The following RHBDL2 variants were observed in gnomAD, a reference collection of about 807,000 sequenced individuals.
The protein encoded by RHBDL2 is rhomboid like 2.
Under a neutral mutation model 31.7 loss-of-function variants are expected in RHBDL2, and 26 were observed. The ratio of observed to expected loss-of-function variants is 0.82; its 90% CI spans 0.60 to 1.14. The LOEUF (loss-of-function observed/expected upper bound fraction) is 1.14. Among genes scored for constraint, RHBDL2 ranks in the 50% most tolerant of loss-of-function variants. RHBDL2 has a pLI of 0.00. For synonymous variants in RHBDL2, 123 were observed against 127.2 expected, an observed-to-expected ratio of 0.97 and a Z score of 0.22; for missense variants, 336 against 364.4, an observed-to-expected ratio of 0.92 and a Z score of 0.63.
At chr1:38,938,116 C>T (rs924292998) in intron 1 of RHBDL2, among the ~76,000 whole-genome samples, 3 of 151,988 alleles carry the variant, frequency 2.0e-5, no homozygotes, top group African/African-American at 7.2e-5. Flanking sequence ...CTCCTGGGTT[C>T]AAGCGATTCT....
chr1:38,894,538 G>C (rs985526293), intron 5 of RHBDL2, among the ~76,000 whole-genome samples: 2 of 151,502 alleles, frequency 1.3e-5, no homozygotes, highest in Non-Finnish European at 2.9e-5. Context: ...GGCCAGGATG[G>C]TCCCGATCTC....
intron 1 of RHBDL2, among the ~76,000 whole-genome samples, chr1:38,935,504 G>T (rs1442007790): frequency 6.6e-6 from 1 of 152,230 alleles, no homozygotes; most frequent in African/African-American, 2.4e-5. Context: ...TCTGTAAAAG[G>T]AGGGTGGTAA....
intron 1 of RHBDL2, among the ~76,000 whole-genome samples, chr1:38,939,082 A>G (rs1166268501): frequency 6.6e-6 from 1 of 152,194 alleles, no homozygotes; most frequent in Non-Finnish European, 1.5e-5. Context: ...GTCTCAGGGG[A>G]TAAACAGAGC....
intron 1 of RHBDL2, among the ~76,000 whole-genome samples, chr1:38,925,608 T>C (rs1466768776): frequency 6.6e-6 from 1 of 152,124 alleles, no homozygotes; most frequent in African/African-American, 2.4e-5. Context: ...GTGACACACA[T>C]GGTGGATCTA....
intron 1 of RHBDL2, among the ~76,000 whole-genome samples, chr1:38,935,471 C>T (rs1176658863): frequency 1.3e-5 from 2 of 152,146 alleles, no homozygotes; most frequent in African/African-American, 4.8e-5. Flanking sequence ...CTTATTAAAC[C>T]TCTTTGTGCC....
chr1:38,892,712 T>G (rs1642869606), intron 6 of RHBDL2, among the ~76,000 whole-genome samples: 1 of 152,182 alleles, frequency 6.6e-6, no homozygotes, highest in South Asian at 2.1e-4. Context: ...CAAACCCAGC[T>G]AAATCAGAGT....
chr1:38,888,355 T>C (rs570815260), intron 6 of RHBDL2, among the ~76,000 whole-genome samples: 1 of 147,902 alleles, frequency 6.8e-6, no homozygotes, highest in South Asian at 2.2e-4. Flanking sequence ...GGGGGGTATG[T>C]GGGGGGGTGA....
At chr1:38,909,718 G>A (rs1643115621) in intron 4 of RHBDL2, among the ~76,000 whole-genome samples, 1 of 152,028 alleles carries the variant, frequency 6.6e-6, no homozygotes, top group Non-Finnish European at 1.5e-5. Context: ...CTCCAGCCTG[G>A]ACGACAGGGC....
intron 1 of RHBDL2, among the ~76,000 whole-genome samples, chr1:38,927,961 C>T (rs1643396230): frequency 6.6e-6 from 1 of 151,994 alleles, no homozygotes; most frequent in African/African-American, 2.4e-5. Flanking sequence ...TCCAAAGCCC[C>T]CACATGTTCC....
At chr1:38,936,927 C>G (rs1317597897) in intron 1 of RHBDL2, among the ~76,000 whole-genome samples, 1 of 152,006 alleles carries the variant, frequency 6.6e-6, no homozygotes, top group East Asian at 1.9e-4. Flanking sequence ...AGCCACCATG[C>G]CTGGCCGAGT....
chr1:38,888,011 C>G lies in RHBDL2; in HGVS notation c.684G>C (p.Met228Ile), dbSNP rs755186225. Residue 228 changes from methionine (M) to isoleucine (I), a missense_variant, in exon 7 of 8, where the codon ATG (methionine) becomes ATC (isoleucine). Transcript: ENST00000372990. ...LIIILIIVLD[M>I]GFALYRRFFV... ...AGAACCTTCTATAGAGAGCAAATCC[C>G]ATGTCCAACACAACTAGAAGGAAAA... 11 of 1,612,556 alleles carry G rather than the reference C, an allele frequency of 6.8e-6. No homozygotes were observed. In the South Asian group the frequency reaches 8.8e-5, roughly 13 times the overall value.
Position 38,910,437 on chromosome 1 carries a change from A to T in RHBDL2, c.508+885T>A, listed in dbSNP as rs181485233. Among the ~76,000 whole-genome samples, 1,512 of 152,256 alleles carry T rather than the reference A, an allele frequency of 9.9e-3. 20 individuals carry two copies. The highest frequency in any genetic ancestry group is 0.033 in the African/African-American group (1,369 of 41,550). On this transcript the variant is annotated intron_variant, in intron 4 of 7. Transcript: ENST00000372990. ...CGCAAAATTAAAAGTTTAATTTTTT[A>T]AAAAAATGTTTCCAATAAATAAACA...
At chr1:38,934,253 C>G (rs1311592559) in intron 1 of RHBDL2, among the ~76,000 whole-genome samples, 1 of 151,684 alleles carries the variant, frequency 6.6e-6, no homozygotes, top group Admixed American at 6.6e-5. Flanking sequence ...GGGGCTGAGG[C>G]AAGAGAATCG....
At chr1:38,887,872 G>T (rs1642805858) in intron 7 of RHBDL2, 91 bp downstream of exon 7, 1 of 882,682 alleles carries the variant, frequency 1.1e-6, no homozygotes, top group Non-Finnish European at 1.8e-6. Flanking sequence ...AAATTTGGCT[G>T]CCCTAAATCA....
At chr1:38,914,475 C>T (rs1643201558) in intron 3 of RHBDL2, among the ~76,000 whole-genome samples, 2 of 151,740 alleles carry the variant, frequency 1.3e-5, no homozygotes, top group South Asian at 2.1e-4. Context: ...CTCCTGACCT[C>T]AGGTGATCTA....
chr1:38,899,584 G>A (rs993611266), intron 4 of RHBDL2, among the ~76,000 whole-genome samples: 4 of 152,254 alleles, frequency 2.6e-5, no homozygotes, highest in African/African-American at 7.2e-5. Flanking sequence ...GGCACCTAGG[G>A]ATGTGGGAGC....
In RHBDL2 at chr1:38,934,209, G is replaced by T. The variant is rs557481054; in HGVS notation, c.-126+7473C>A. ...GAAAAATGCAAAAAATTAGCCAGGC[G>T]TTATGGCGGGTGCCTGTAATCCCAG... On this transcript the variant is annotated intron_variant, in intron 1 of 7. Transcript: ENST00000372990. Among the ~76,000 whole-genome samples the T allele has an allele frequency of 3.9e-5, 6 of 152,002 alleles. No individual in the cohort carries two copies. In the South Asian group the frequency reaches 1.2e-3, roughly 32 times the overall value.
intron 1 of RHBDL2, among the ~76,000 whole-genome samples, chr1:38,923,763 G>A (rs999951694): frequency 2.0e-5 from 3 of 152,126 alleles, no homozygotes; most frequent in Non-Finnish European, 2.9e-5. Flanking sequence ...CATTCACTGG[G>A]TGGAGATTTA....
chr1:38,911,066 C>T (rs1359961723), intron 4 of RHBDL2, among the ~76,000 whole-genome samples: 1 of 151,720 alleles, frequency 6.6e-6, no homozygotes, highest in Non-Finnish European at 1.5e-5. Flanking sequence ...GGCAGGAGCG[C>T]CAGGCATACT....
Sources: gnomAD v4.1 joint callset for allele counts (sites outside exome capture counted in the v4.1 genomes callset) on GRCh38, gnomAD v4.1.1 for gene constraint, MANE v1.5 for transcripts, NCBI Gene and HGNC (gene_info 2026-07-23, HGNC 2026-07-21) for gene names.